Variants in SEMA3A observed in about 807,000 individuals in gnomAD.
The protein encoded by SEMA3A is semaphorin 3A, also known as semaphorin-3A.
A neutral mutation model predicts 97.9 loss-of-function variants in SEMA3A; 29 were observed. The observed-to-expected ratio is 0.30, with a 90% CI of 0.22 to 0.40. The LOEUF (loss-of-function observed/expected upper bound fraction) is 0.40. SEMA3A is among the 10% of genes least tolerant of loss of function. The probability of loss-of-function intolerance (pLI) is 1.00; values close to 1 mark genes in which losing one functional copy is unlikely to be tolerated. For missense variants in SEMA3A, 763 were observed against 951.3 expected (o/e 0.80, Z 2.60); for synonymous variants, 321 against 323.7 (o/e 0.99, Z 0.09).
intron 1 of SEMA3A, among the ~76,000 whole-genome samples, chr7:84,484,188 G>T (rs1300254001): frequency 6.6e-6 from 1 of 151,976 alleles, no homozygotes; most frequent in Non-Finnish European, 1.5e-5. Context: ...CTACCTAGAA[G>T]ACCACTGTGT....
chr7:84,447,230 G>A (rs1805437603), intron 1 of SEMA3A, among the ~76,000 whole-genome samples: 1 of 152,168 alleles, frequency 6.6e-6, no homozygotes, highest in Non-Finnish European at 1.5e-5. Flanking sequence ...GGAGGCTGAG[G>A]GCAGCTTGGC....
intron 1 of SEMA3A, among the ~76,000 whole-genome samples, chr7:84,424,026 C>T (rs1471911759): frequency 6.6e-6 from 1 of 151,760 alleles, no homozygotes; most frequent in Non-Finnish European, 1.5e-5. Flanking sequence ...AAAGGGAAAG[C>T]TTATACACTG....
Position 83,957,334 on chromosome 7 carries a change from T to A in SEMA3A, c.*4037A>T, listed in dbSNP as rs1264369963. ...TGTCTTATTCACTTTAGTGTCCTCATCACCTAACATAATACCTAGCACATT... is the reference window on the plus strand; with the variant it reads ...TGTCTTATTCACTTTAGTGTCCTCAACACCTAACATAATACCTAGCACATT... On this transcript the variant is annotated 3_prime_UTR_variant, in exon 17 of 17. Transcript: ENST00000265362. 1 of 152,136 alleles carries A rather than the reference T, an allele frequency of 6.6e-6. No homozygotes were observed. The highest frequency in any genetic ancestry group is 2.4e-5 in the African/African-American group (1 of 41,446). 9.4% of individuals were successfully genotyped at this position (152,136 alleles called of 1,614,324 possible).
chr7:84,272,734 C>T (rs564062743), intron 3 of SEMA3A, among the ~76,000 whole-genome samples: 32 of 152,172 alleles, frequency 2.1e-4, no homozygotes, highest in South Asian at 1.9e-3. Context: ...GGTCAGGTTA[C>T]GCCATTATCT....
Position 84,145,764 on chromosome 7 carries a change from A to T in SEMA3A, c.113-10813T>A, listed in dbSNP as rs556973930. Among the ~76,000 whole-genome samples, 8 of 152,226 alleles carry T rather than the reference A, an allele frequency of 5.3e-5. No homozygotes were observed. In the South Asian group the frequency reaches 1.7e-3, roughly 32 times the overall value. ...TGAAGTAACTTGTTCTTTATATTTA[A>T]TTTCTCTCAATTTTGGTATACCCTT... On this transcript the variant is annotated intron_variant, in intron 1 of 16. Coordinates refer to ENST00000265362, the MANE Select transcript of SEMA3A (RefSeq NM_006080.3).
intron 2 of SEMA3A, among the ~76,000 whole-genome samples, chr7:84,355,520 TACGTAACTAA>T (rs1802536116): frequency 6.6e-6 from 1 of 151,870 alleles, no homozygotes. Flanking sequence ...GGTCTAAATT[TACGTAACTAA>T]CATTCACAAG....
At chr7:84,067,024 C>T (rs1793533281) in intron 4 of SEMA3A, among the ~76,000 whole-genome samples, 2 of 152,134 alleles carry the variant, frequency 1.3e-5, no homozygotes, top group Admixed American at 6.5e-5. Flanking sequence ...TCAAACTATA[C>T]TACAAGGCTA....
intron 1 of SEMA3A, among the ~76,000 whole-genome samples, chr7:84,490,489 T>C (rs924546143): frequency 1.3e-5 from 2 of 152,178 alleles, no homozygotes; most frequent in Non-Finnish European, 1.5e-5. Context: ...TTCATTAAGT[T>C]AACTGAAACT....
intron 2 of SEMA3A, among the ~76,000 whole-genome samples, chr7:84,311,690 T>C (rs1484820097): frequency 6.6e-6 from 1 of 151,964 alleles, no homozygotes; most frequent in African/African-American, 2.4e-5. Flanking sequence ...AATGTTTTAG[T>C]TTCTATGAAA....
chr7:83,989,695 A>G (rs1789813473), intron 12 of SEMA3A, among the ~76,000 whole-genome samples: 1 of 133,406 alleles, frequency 7.5e-6, no homozygotes, highest in African/African-American at 2.9e-5. Context: ...TATGTGCCAC[A>G]TTTTCTTAAT....
At chr7:83,969,482 T>C (rs1788838767) in intron 15 of SEMA3A, among the ~76,000 whole-genome samples, 1 of 152,200 alleles carries the variant, frequency 6.6e-6, no homozygotes, top group East Asian at 1.9e-4. Flanking sequence ...AGAATGGTAA[T>C]CGTAAACGCT....
chr7:84,258,560 TAC>T (rs16687), intron 3 of SEMA3A, among the ~76,000 whole-genome samples: 107,275 of 151,838 alleles, frequency 0.71, 38,109 homozygotes, highest in East Asian at 0.79. Context: ...TGCAGGATTT[TAC>T]ACACATTTTC....
rs1390165719 is a variant in SEMA3A at position 84,067,720 on chromosome 7, A to G, written c.454-7162T>C. Among the ~76,000 whole-genome samples, 157 of 151,894 alleles carry G rather than the reference A, an allele frequency of 1.0e-3. No individual in the cohort carries two copies. The East Asian group carries it at 0.012, about 11-fold the overall frequency. ...GAGAAATGCAAATCAAAACCACAAT[A>G]AGATACCATCTCACACCAGTTAGAA... On this transcript the variant is annotated intron_variant, in intron 4 of 16. Transcript: ENST00000265362.
At chr7:84,404,455 G>C (rs1804009511) in intron 1 of SEMA3A, among the ~76,000 whole-genome samples, 1 of 152,200 alleles carries the variant, frequency 6.6e-6, no homozygotes, top group Non-Finnish European at 1.5e-5. Context: ...ATGGAACCCA[G>C]TTGGAAAACA....
rs190308629 is a variant in SEMA3A, at chr7:84,390,597, G to A, written c.-245-18697C>T. On this transcript the variant is annotated intron_variant, in intron 1 of 3. Coordinates refer to the SEMA3A transcript ENST00000424555. ...GTCTAATACAGTCATAAAATCATGC[G>A]TAAGATTCTCAAGCCCTCAATAAGT... Among the ~76,000 whole-genome samples, 320 of 151,982 alleles carry A rather than the reference G, an allele frequency of 2.1e-3. 1 individual carries two copies. The highest frequency in any genetic ancestry group is 7.2e-3 in the African/African-American group (297 of 41,486).
chr7:84,036,570 C>G (rs149359844), intron 6 of SEMA3A, among the ~76,000 whole-genome samples: 9 of 151,910 alleles, frequency 5.9e-5, no homozygotes, highest in African/African-American at 2.2e-4. Context: ...TAAATAGAAA[C>G]ATTGTTGAAT....
intron 2 of SEMA3A, among the ~76,000 whole-genome samples, chr7:84,132,840 T>C (rs1045683130): frequency 6.6e-6 from 1 of 151,982 alleles, no homozygotes; most frequent in Non-Finnish European, 1.5e-5. Context: ...CACACCCAGC[T>C]AATTTTTGTA....
chr7:84,215,862 C>A (rs545753495), intron 3 of SEMA3A, among the ~76,000 whole-genome samples: 1 of 152,108 alleles, frequency 6.6e-6, no homozygotes, highest in African/African-American at 2.4e-5. Context: ...AATATGTAGT[C>A]TTTTATAAAA....
chr7:84,461,246 T>C (rs1011851555), intron 1 of SEMA3A, among the ~76,000 whole-genome samples: 2 of 152,174 alleles, frequency 1.3e-5, no homozygotes, highest in African/African-American at 4.8e-5. Context: ...AGCTGCCTTA[T>C]GTTTCAGTCA....
Sources: allele counts gnomAD v4.1 joint callset (sites outside exome capture counted in the v4.1 genomes callset), GRCh38; gene constraint gnomAD v4.1.1; transcripts MANE v1.5; gene names NCBI Gene and HGNC (gene_info 2026-07-23, HGNC 2026-07-21).